The following UBE3C variants were observed in gnomAD, a reference collection of about 807,000 sequenced individuals.
UBE3C encodes the protein ubiquitin protein ligase E3C, also known as ubiquitin-protein ligase E3C.
A neutral mutation model predicts 129.4 loss-of-function variants in UBE3C; 42 were observed. That is an observed-to-expected ratio of 0.32 (90% CI 0.25 to 0.42). The LOEUF (loss-of-function observed/expected upper bound fraction) is 0.42, where lower values mean the gene tolerates loss of function less well. Among genes scored for constraint, UBE3C ranks in the 10% least tolerant of loss-of-function variants. The pLI, the probability that UBE3C is intolerant of heterozygous loss-of-function variation, is 1.00. For synonymous variants in UBE3C, 510 were observed against 492.4 expected, an observed-to-expected ratio of 1.04 and a Z score of -0.47; for missense variants, 1,049 against 1,319.1, an observed-to-expected ratio of 0.80 and a Z score of 3.17.
intron 4 of UBE3C, among the ~76,000 whole-genome samples, chr7:157,173,131 T>C (rs896450899): frequency 2.0e-5 from 3 of 152,254 alleles, no homozygotes. Flanking sequence ...ACCAACACTT[T>C]GTGGGGCTGA....
At chr7:157,194,173 GA>G (rs1809052773) in intron 10 of UBE3C, among the ~76,000 whole-genome samples, 1 of 152,128 alleles carries the variant, frequency 6.6e-6, no homozygotes, top group African/African-American at 2.4e-5. Context: ...TAATCTTTTT[GA>G]AATGGGGCTG....
chr7:157,211,193 A>AGAGAGC (rs1023528201), intron 13 of UBE3C, among the ~76,000 whole-genome samples: 2 of 151,494 alleles, frequency 1.3e-5, no homozygotes, highest in Non-Finnish European at 2.9e-5. Flanking sequence ...AGAGAGAGAG[A>AGAGAGC]GCCATACTAT....
chr7:157,204,449 TG>T, intron 11 of UBE3C, among the ~76,000 whole-genome samples: 1 of 150,844 alleles, frequency 6.6e-6, no homozygotes, highest in Admixed American at 6.6e-5. Context: ...CCCTAAGACT[TG>T]GGTTAGAAAC....
At chr7:157,145,499 C>CTCTTTTAAAAAAA (rs1466468086) in intron 1 of UBE3C, among the ~76,000 whole-genome samples, 12 of 152,190 alleles carry the variant, frequency 7.9e-5, no homozygotes, top group African/African-American at 2.9e-4. Flanking sequence ...GCCTAGGTGA[C>CTCTTTTAAAAAAA]GAGAGTGATA....
chr7:157,240,016 C>T (rs1218510150), intron 18 of UBE3C, among the ~76,000 whole-genome samples: 2 of 152,182 alleles, frequency 1.3e-5, no homozygotes, highest in Non-Finnish European at 2.9e-5. Context: ...TTCTTGGGCT[C>T]CACCCCAGAC....
At chr7:157,188,604 A>T (rs1249752744) in intron 10 of UBE3C, among the ~76,000 whole-genome samples, 1 of 152,232 alleles carries the variant, frequency 6.6e-6, no homozygotes, top group Non-Finnish European at 1.5e-5. Flanking sequence ...GCTGAGGTTT[A>T]CTAGAGAACC....
intron 18 of UBE3C, among the ~76,000 whole-genome samples, chr7:157,234,966 C>A (rs578062838): frequency 6.6e-6 from 1 of 152,104 alleles, no homozygotes; most frequent in Non-Finnish European, 1.5e-5. Context: ...CCTAGGCAGG[C>A]GGATCACCTG....
chr7:157,241,311 A>G (rs1014714971), intron 18 of UBE3C, among the ~76,000 whole-genome samples: 3 of 152,246 alleles, frequency 2.0e-5, no homozygotes, highest in African/African-American at 7.2e-5. Context: ...ATGCTTCAAA[A>G]GACACCATCA....
At position 157,187,010 on chromosome 7, in the gene UBE3C, AC is replaced by A; in HGVS notation, c.1323del (p.Val443SerfsTer7). ...TGATGGTGCAGCACCGCATGATGGT[AC>A]CCAAAGTCAGGCAAGTGTCCGTGGG... ...TLMVQHRMMV[P>X]KVRLLYSLAF... On this transcript the variant is annotated frameshift_variant, in exon 10 of 23. Coordinates refer to ENST00000348165, the MANE Select transcript of UBE3C (RefSeq NM_014671.3). LOFTEE classifies it high-confidence loss of function. The A allele has an allele frequency of 6.2e-7, 1 of 1,604,106 alleles. No individual in the cohort carries two copies. The highest frequency in any genetic ancestry group is 8.5e-7 in the Non-Finnish European group (1 of 1,175,102).
At chr7:157,232,659 C>T (rs531289375) in intron 18 of UBE3C, among the ~76,000 whole-genome samples, 29 of 152,154 alleles carry the variant, frequency 1.9e-4, no homozygotes, top group African/African-American at 6.3e-4. Context: ...GCCTGTTATT[C>T]GCATTCTTAA....
At chr7:157,210,685 C>T (rs1809565834) in intron 13 of UBE3C, among the ~76,000 whole-genome samples, 1 of 152,152 alleles carries the variant, frequency 6.6e-6, no homozygotes, top group African/African-American at 2.4e-5. Context: ...TTGAAGAATT[C>T]GAGGTAGAAT....
At chr7:157,254,393 A>T (rs201359092) in intron 21 of UBE3C, 83 bp downstream of exon 21, 15 of 466,500 alleles carry the variant, frequency 3.2e-5, no homozygotes, top group South Asian at 1.8e-4. Context: ...TATTTTAATT[A>T]ATTTATTTAT....
At chr7:157,212,330 C>T (rs915576529) in intron 13 of UBE3C, among the ~76,000 whole-genome samples, 6 of 152,162 alleles carry the variant, frequency 3.9e-5, no homozygotes, top group Non-Finnish European at 2.9e-5. Context: ...CCCTTCAAAA[C>T]TTGGACTATA....
At chr7:157,161,302 TA>T (rs985679626) in intron 1 of UBE3C, among the ~76,000 whole-genome samples, 1 of 152,198 alleles carries the variant, frequency 6.6e-6, no homozygotes, top group African/African-American at 2.4e-5. Flanking sequence ...TCTAAAAGTT[TA>T]AAAAATTAAA....
intron 10 of UBE3C, among the ~76,000 whole-genome samples, chr7:157,200,481 AT>A (rs1018572266): frequency 3.3e-5 from 5 of 152,222 alleles, no homozygotes; most frequent in African/African-American, 9.6e-5. Context: ...TCTTAAAAAA[AT>A]ATTTATGCTA....
chr7:157,162,836 T>C (rs1245119121), intron 1 of UBE3C, among the ~76,000 whole-genome samples: 1 of 152,180 alleles, frequency 6.6e-6, no homozygotes, highest in Non-Finnish European at 1.5e-5. Context: ...TAATTTTATT[T>C]TGGATGAAAT....
intron 17 of UBE3C, 88 bp downstream of exon 17, chr7:157,225,627 C>T: frequency 2.9e-6 from 4 of 1,399,134 alleles, no homozygotes; most frequent in Non-Finnish European, 3.8e-6. Flanking sequence ...AATTAGTGTC[C>T]ATCATCTTGT....
chr7:157,253,044 T>G (rs1306301425), intron 19 of UBE3C, among the ~76,000 whole-genome samples: 1 of 152,214 alleles, frequency 6.6e-6, no homozygotes, highest in Non-Finnish European at 1.5e-5. Flanking sequence ...TTTTTTTGGT[T>G]TTCTTAATAA....
intron 17 of UBE3C, among the ~76,000 whole-genome samples, chr7:157,229,337 G>A (rs1795959600): frequency 6.6e-6 from 1 of 152,092 alleles, no homozygotes; most frequent in African/African-American, 2.4e-5. Context: ...TTTTTGAAAT[G>A]GAACTTCTCT....
Sources: gnomAD v4.1 joint callset for allele counts (sites outside exome capture counted in the v4.1 genomes callset) on GRCh38, gnomAD v4.1.1 for gene constraint, MANE v1.5 for transcripts, NCBI Gene and HGNC (gene_info 2026-07-23, HGNC 2026-07-21) for gene names.